Variants in STAU2 observed in about 807,000 individuals in gnomAD.
STAU2 encodes the protein double-stranded RNA-binding protein Staufen homolog 2.
STAU2 carries 20 observed loss-of-function variants against 65.9 expected under a neutral mutation model. The ratio of observed to expected loss-of-function variants is 0.30; its 90% CI spans 0.21 to 0.44. STAU2 has a LOEUF of 0.44. STAU2 is among the 20% of genes least tolerant of loss of function. The pLI, the probability that STAU2 is intolerant of heterozygous loss-of-function variation, is 1.00. For missense variants in STAU2, 558 were observed against 683.9 expected (o/e 0.82, Z 2.05); for synonymous variants, 232 against 233.9 (o/e 0.99, Z 0.07).
chr8:73,573,170 C>T lies in STAU2; in HGVS notation c.1222+9600G>A, dbSNP rs184526166. Among the ~76,000 whole-genome samples the T allele has an allele frequency of 7.7e-3, 1,166 of 152,164 alleles. 5 individuals carry two copies. Among genetic ancestry groups the T allele is most frequent in the Non-Finnish European group, 0.01 (680 of 67,972 alleles). On this transcript the variant is annotated intron_variant, in intron 12 of 14. Coordinates refer to ENST00000524300, the MANE Select transcript of STAU2 (RefSeq NM_001164380.2). Reference sequence around the variant, plus strand: ...ATTCACAATTGCTTCAAAGAGAATACAATACCTAGGAATCCAACTTATAAG... The same window carrying T: ...ATTCACAATTGCTTCAAAGAGAATATAATACCTAGGAATCCAACTTATAAG...
At chr8:73,603,647 A>G (rs1173650471) in intron 10 of STAU2, 79 bp downstream of exon 10, 52 of 1,526,046 alleles carry the variant, frequency 3.4e-5, no homozygotes, top group Non-Finnish European at 4.5e-5. Flanking sequence ...CTTAAGTCCT[A>G]GTTTGCCTTT....
At chr8:73,568,316 T>C (rs111469751) in intron 12 of STAU2, among the ~76,000 whole-genome samples, 9 of 152,232 alleles carry the variant, frequency 5.9e-5, no homozygotes, top group African/African-American at 1.7e-4. Flanking sequence ...AAAGACTCAA[T>C]GATTAAGCTG....
At chr8:73,652,380 C>T (rs1815960374) in intron 6 of STAU2, 1 of 152,028 alleles carries the variant, frequency 6.6e-6, no homozygotes, top group South Asian at 2.1e-4. Flanking sequence ...TTTCCTTTAA[C>T]ATACAAGAAA....
intron 3 of STAU2, among the ~76,000 whole-genome samples, chr8:73,710,030 C>T (rs1820786068): frequency 6.6e-6 from 1 of 152,054 alleles, no homozygotes; most frequent in Non-Finnish European, 1.5e-5. Context: ...TTTATCCACT[C>T]CTCTACTGAG....
At position 73,603,779 on chromosome 8, in the gene STAU2, A is replaced by G; in HGVS notation, c.976T>C (p.Tyr326His). The G allele has an allele frequency of 6.2e-7, 1 of 1,611,998 alleles. No individual in the cohort carries two copies. The highest frequency in any genetic ancestry group is 8.5e-7 in the Non-Finnish European group (1 of 1,179,894). ...QQAKKEKEPD[Y>H]VLLSERGMPR... ...ATTCCTCTTTCTGAAAGCAAAACAT[A>G]ATCCGGCTCCTTTTCCTTTTTGGCC... The change falls in exon 10 of 15, where the codon TAT becomes CAT. Residue 326 changes from tyrosine to histidine, a missense_variant. Tyr to His is a moderately conservative substitution (Grantham distance 83). Transcript: ENST00000524300.
intron 13 of STAU2, among the ~76,000 whole-genome samples, chr8:73,480,310 T>C (rs988937563): frequency 1.3e-5 from 2 of 152,180 alleles, no homozygotes; most frequent in Non-Finnish European, 2.9e-5. Context: ...GTATCCAATG[T>C]ATAATAAATG....
chr8:73,646,871 T>TA lies in STAU2; in HGVS notation c.410+26235dup, dbSNP rs1270886364. ...ATACAAAACTCTCAAAACTCAACAG[T>TA]AAAAAAAAAACAATTTTATAGAAAA... On this transcript the variant is annotated intron_variant, in intron 6 of 14. Transcript: ENST00000524300. Among the ~76,000 whole-genome samples the TA allele has an allele frequency of 1.1e-3, 138 of 129,524 alleles. 1 individual carries two copies. Among genetic ancestry groups the TA allele is most frequent in the African/African-American group, 2.7e-3 (95 of 34,906 alleles). The allele number at this position is 129,524 out of a possible 152,430, so 85.0% of individuals were successfully genotyped here.
intron 13 of STAU2, among the ~76,000 whole-genome samples, chr8:73,471,049 C>G (rs1819968433): frequency 6.6e-6 from 1 of 152,048 alleles, no homozygotes; most frequent in Non-Finnish European, 1.5e-5. Flanking sequence ...GTTTTTAGTT[C>G]CTCTAAATCA....
intron 3 of STAU2, among the ~76,000 whole-genome samples, chr8:73,712,116 A>G (rs1217038340): frequency 6.6e-6 from 1 of 152,222 alleles, no homozygotes; most frequent in African/African-American, 2.4e-5. Flanking sequence ...AGAGAAGTCA[A>G]TAGTGCAAAA....
In STAU2 at chr8:73,552,081, A is replaced by G; in HGVS notation, c.1461T>C (p.Pro487=). The change falls in exon 13 of 15, where the codon CCT becomes CCC. Residue 487 remains proline, a synonymous_variant. Coordinates refer to ENST00000524300, the MANE Select transcript of STAU2 (RefSeq NM_001164380.2). The stretch of plus-strand genomic sequence containing the variant: ...GTTGTACTGGAGAACAAGGGGGAGT[A>G]GGAGAACTTCCTTTTAAACCTATGG... ...AEAIGLKGSS[P]TPPCSPVQPS... The G allele has an allele frequency of 2.5e-6, 4 of 1,612,428 alleles. No individual in the cohort carries two copies. Among genetic ancestry groups the G allele is most frequent in the Non-Finnish European group, 2.5e-6 (3 of 1,178,928 alleles).
intron 12 of STAU2, 80 bp downstream of exon 12, chr8:73,582,690 A>T: frequency 7.2e-7 from 1 of 1,386,396 alleles, no homozygotes; most frequent in African/African-American, 1.4e-5. Flanking sequence ...ACCCAGACAG[A>T]CCCAACCAAT....
chr8:73,541,161 C>A (rs1021137130), intron 13 of STAU2, among the ~76,000 whole-genome samples: 2 of 152,104 alleles, frequency 1.3e-5, no homozygotes, highest in Non-Finnish European at 2.9e-5. Context: ...TGATTGAACG[C>A]TAAAGCTTTA....
chr8:73,571,284 C>T (rs912416632), intron 12 of STAU2, among the ~76,000 whole-genome samples: 16 of 152,168 alleles, frequency 1.1e-4, no homozygotes, highest in African/African-American at 3.9e-4. Flanking sequence ...TAGACTCCCA[C>T]ACAATAATAA....
At chr8:73,694,401 C>T (rs928591911) in intron 4 of STAU2, among the ~76,000 whole-genome samples, 2 of 152,182 alleles carry the variant, frequency 1.3e-5, no homozygotes, top group Non-Finnish European at 2.9e-5. Flanking sequence ...CAATTGTTCA[C>T]AGGACATTTA....
chr8:73,650,122 A>T (rs1815748967), intron 6 of STAU2, among the ~76,000 whole-genome samples: 1 of 151,832 alleles, frequency 6.6e-6, no homozygotes, highest in South Asian at 2.1e-4. Context: ...CTGAATATCC[A>T]GATGTCTTGG....
intron 13 of STAU2, among the ~76,000 whole-genome samples, chr8:73,542,738 G>A (rs1806625895): frequency 6.6e-6 from 1 of 152,096 alleles, no homozygotes; most frequent in Non-Finnish European, 1.5e-5. Flanking sequence ...TGTCCTCAGT[G>A]AAATACAAAC....
chr8:73,434,598 T>G (rs1388305907), intron 13 of STAU2, among the ~76,000 whole-genome samples: 1 of 151,886 alleles, frequency 6.6e-6, no homozygotes, highest in Non-Finnish European at 1.5e-5. Flanking sequence ...TTTTTCATCA[T>G]TTGTAAGCTG....
chr8:73,430,959 A>G (rs776627210), intron 13 of STAU2, among the ~76,000 whole-genome samples: 1 of 152,228 alleles, frequency 6.6e-6, no homozygotes, highest in African/African-American at 2.4e-5. Flanking sequence ...GAGTGGGTAA[A>G]TTGATAACAA....
At chr8:73,597,782 G>C (rs1239482224) in intron 10 of STAU2, among the ~76,000 whole-genome samples, 1 of 151,218 alleles carries the variant, frequency 6.6e-6, no homozygotes, top group Non-Finnish European at 1.5e-5. Context: ...TTACCAAATT[G>C]CCACAGAATA....
Sources: gnomAD v4.1 joint callset for allele counts (sites outside exome capture counted in the v4.1 genomes callset) on GRCh38, gnomAD v4.1.1 for gene constraint, MANE v1.5 for transcripts, NCBI Gene and HGNC (gene_info 2026-07-23, HGNC 2026-07-21) for gene names.